PLCD1: variants seen among roughly 807,000 people sequenced by gnomAD.
PLCD1 encodes the protein phospholipase C delta 1.
In PLCD1, 71 loss-of-function variants were observed where a neutral mutation model predicts 87.4. The ratio of observed to expected loss-of-function variants is 0.81; its 90% confidence interval spans 0.67 to 0.99. PLCD1 has a LOEUF of 0.99. Ranked by LOEUF, PLCD1 falls within the 50% of genes least tolerant of loss-of-function variation. The pLI is 0.00. For missense variants in PLCD1, 867 were observed against 1,001.5 expected (o/e 0.87, Z 1.81); for synonymous variants, 348 against 399.2 (o/e 0.87, Z 1.53).
intron 3 of PLCD1, among the ~76,000 whole-genome samples, chr3:38,015,743 G>A (rs1167071745): frequency 1.3e-5 from 2 of 152,170 alleles, no homozygotes; most frequent in Non-Finnish European, 2.9e-5. Context: ...CTCACAGGCT[G>A]GCCTACACAC....
chr3:38,020,442 T>C (rs1226399741), intron 1 of PLCD1, 90 bp from the exon 2 acceptor site: 3 of 1,256,848 alleles, frequency 2.4e-6, no homozygotes, highest in Non-Finnish European at 3.5e-6. Context: ...CTCGACCCTC[T>C]CAGAGCCCAC....
At chr3:38,024,100 G>A in intron 1 of PLCD1, 1 of 518,130 alleles carries the variant, frequency 1.9e-6, no homozygotes, top group Non-Finnish European at 3.4e-6. Context: ...GATGGGGAGC[G>A]TTGGAAGGGC....
Position 38,018,508 on chromosome 3 carries a change from C to T in PLCD1, c.199+1680G>A, listed in dbSNP as rs966843891. ...TTCCTGCCCATCTGCTCACAGCTGT[C>T]CCAATACAAGGTCCTCCTCTCGCCA... On this transcript the variant is annotated intron_variant, in intron 2 of 14. Coordinates refer to ENST00000334661, the MANE Select transcript of PLCD1 (RefSeq NM_006225.4). This position sits in a 1 kb window ranked among gnomAD's most constrained non-coding sequence, Gnocchi z 5.7. Among the ~76,000 whole-genome samples the T allele has an allele frequency of 1.3e-5, 2 of 152,164 alleles. No individual in the cohort carries two copies. Among genetic ancestry groups the T allele is most frequent in the Non-Finnish European group, 1.5e-5 (1 of 68,028 alleles).
chr3:38,008,234 C>A lies in PLCD1; in HGVS notation c.2035+1G>T, dbSNP rs771221973. 1 of 1,614,112 alleles carries A rather than the reference C, an allele frequency of 6.2e-7. No individual in the cohort carries two copies. Among genetic ancestry groups the A allele is most frequent in the South Asian group, 1.1e-5 (1 of 91,088 alleles). Reference sequence around the variant, plus strand: ...TAGCCCAGCCCAGGCCCAGCACCTACCATTGTTGGTGATGACAGCAGTCTG... The same window carrying A: ...TAGCCCAGCCCAGGCCCAGCACCTAACATTGTTGGTGATGACAGCAGTCTG... On this transcript the variant is annotated splice_donor_variant, in intron 13 of 14. Coordinates refer to ENST00000334661, the MANE Select transcript of PLCD1 (RefSeq NM_006225.4). LOFTEE classifies it high-confidence loss of function.
In PLCD1 at chr3:38,011,811, G is replaced by A. The variant is rs1389677399; in HGVS notation, c.429-138C>T. On this transcript the variant is annotated intron_variant, in intron 3 of 14. Coordinates refer to ENST00000334661, the MANE Select transcript of PLCD1 (RefSeq NM_006225.4). The stretch of plus-strand genomic sequence containing the variant: ...TGACTTACTACACATCCATGTTTCA[G>A]TGGCCTCTTCAGAGGAAAATGTTAA... The A allele has an allele frequency of 2.4e-5, 19 of 797,980 alleles. No homozygotes were observed. The South Asian group carries it at 2.7e-4, about 11-fold the overall frequency. The allele number at this position is 797,980 out of a possible 1,614,324, so 49.4% of individuals were successfully genotyped here. A position where few individuals can be genotyped will look rare whatever the true frequency, so the allele number is the denominator to read the frequency against.
In PLCD1 at chr3:38,029,635, A is replaced by T; in HGVS notation, c.-96T>A. On this transcript the variant is annotated 5_prime_UTR_variant, in exon 1 of 15. Transcript: ENST00000334661. ...GGTCCGAGCGGAGTGCGGTGCAGGG[A>T]CCTGAATGGACCGCGGTGGGAGGAG... 1.8e-6 allele frequency: 2 copies of T among 1,107,596 alleles called. No individual in the cohort carries two copies. 68.6% of individuals were successfully genotyped at this position (1,107,596 alleles called of 1,614,324 possible). A position where few individuals can be genotyped will look rare whatever the true frequency, so the allele number is the denominator to read the frequency against.
chr3:38,013,322 C>A (rs889487642), intron 3 of PLCD1, among the ~76,000 whole-genome samples: 3 of 151,580 alleles, frequency 2.0e-5, no homozygotes, highest in Non-Finnish European at 4.4e-5. Context: ...ACGCCATTCT[C>A]CTGCCTCAAC....
chr3:38,024,880 G>T, intron 1 of PLCD1: 1 of 407,754 alleles, frequency 2.5e-6, no homozygotes, highest in Non-Finnish European at 4.1e-6. Flanking sequence ...GGCGAGAGTG[G>T]TGTCGAGGCG....
intron 9 of PLCD1, 77 bp from the exon 10 acceptor site, chr3:38,009,508 C>T (rs1051940883): frequency 5.1e-5 from 81 of 1,574,524 alleles, no homozygotes; most frequent in South Asian, 2.4e-4. Flanking sequence ...GAAACCCAGG[C>T]GCAGAGAGAC....
At chr3:38,022,062 T>A (rs1700241423) in intron 1 of PLCD1, among the ~76,000 whole-genome samples, 2 of 152,188 alleles carry the variant, frequency 1.3e-5, no homozygotes, top group African/African-American at 2.4e-5. Flanking sequence ...CTTCCCTCTC[T>A]CTGCTTTTGT....
chr3:38,015,573 G>T (rs1700142683), intron 3 of PLCD1, among the ~76,000 whole-genome samples: 1 of 152,148 alleles, frequency 6.6e-6, no homozygotes, highest in African/African-American at 2.4e-5. Flanking sequence ...CTTTAAAAGG[G>T]TTAATTATAT....
chr3:38,021,276 C>G (rs1186707908), intron 1 of PLCD1, among the ~76,000 whole-genome samples: 1 of 152,226 alleles, frequency 6.6e-6, no homozygotes, highest in African/African-American at 2.4e-5. Flanking sequence ...CCAGCCCCAT[C>G]TCAGAGTGCC....
chr3:38,013,897 G>A (rs1700119311), intron 3 of PLCD1, among the ~76,000 whole-genome samples: 1 of 152,094 alleles, frequency 6.6e-6, no homozygotes, highest in African/African-American at 2.4e-5. Context: ...AAATTAACAG[G>A]GCTCAAAATG....
At chr3:38,009,231 T>A (rs1490415956) in intron 10 of PLCD1, 41 bp downstream of exon 10, 1 of 1,613,482 alleles carries the variant, frequency 6.2e-7, no homozygotes, top group Non-Finnish European at 8.5e-7. Context: ...GCCAATTCTC[T>A]CTGTAACAGA....
At chr3:38,027,210 C>T (rs1243004790) in intron 1 of PLCD1, among the ~76,000 whole-genome samples, 1 of 152,170 alleles carries the variant, frequency 6.6e-6, no homozygotes. Context: ...AGTTCTGGCC[C>T]TATTTTCCAT....
At chr3:38,012,673 T>G (rs1250358778) in intron 3 of PLCD1, among the ~76,000 whole-genome samples, 2 of 152,040 alleles carry the variant, frequency 1.3e-5, no homozygotes, top group Admixed American at 1.3e-4. Context: ...TATGCTACCA[T>G]GCCCAGCTAA....
At position 38,020,187 on chromosome 3, in the gene PLCD1, C is replaced by A; in HGVS notation, c.199+1G>T. 6.2e-7 allele frequency: 1 copy of A among 1,613,782 alleles called. No individual in the cohort carries two copies. Among genetic ancestry groups the A allele is most frequent in the Non-Finnish European group, 8.5e-7 (1 of 1,179,826 alleles). ...CTCCCCTGTGACCCCAGGGCACTCA[C>A]ACAGCTGGGACTCCGGGGTCCGCAT... is the stretch of plus-strand genomic sequence containing the variant. On this transcript the variant is annotated splice_donor_variant, in intron 2 of 14. Coordinates refer to ENST00000334661, the MANE Select transcript of PLCD1 (RefSeq NM_006225.4). LOFTEE classifies it high-confidence loss of function.
intron 3 of PLCD1, among the ~76,000 whole-genome samples, chr3:38,013,299 G>A (rs563514064): frequency 1.4e-4 from 21 of 145,422 alleles, no homozygotes; most frequent in East Asian, 8.3e-4. Flanking sequence ...TGCAAGCTCC[G>A]CCTCCCGGGA....
rs1462165246 is a variant in PLCD1, at chr3:38,009,904, C to T, written c.1287G>A (p.Glu429=). ...GGGATCCCCCATCCCCACCACACAC[C>T]TCAGGGGAGGGCAGGCTGTTGGTGA... is the stretch of plus-strand genomic sequence containing the variant. ...DGVTNSLPSP[E]QLKGKILLKG... is the part of the protein sequence containing the mutation. Residue 429 remains glutamate, a splice_region_variant and synonymous_variant, in exon 8 of 15, where the codon GAG becomes GAA. Transcript: ENST00000334661. 1 of 1,603,632 alleles carries T rather than the reference C, an allele frequency of 6.2e-7. No homozygotes were observed. Among genetic ancestry groups the T allele is most frequent in the Non-Finnish European group, 8.5e-7 (1 of 1,174,978 alleles).
Sources: allele counts gnomAD v4.1 joint callset (sites outside exome capture counted in the v4.1 genomes callset), GRCh38; gene constraint gnomAD v4.1.1; non-coding constraint Gnocchi (gnomAD v3.1); transcripts MANE v1.5; gene names NCBI Gene and HGNC (gene_info 2026-07-23, HGNC 2026-07-21).